Variants in OR10R2 observed in about 807,000 individuals in gnomAD.
The protein encoded by OR10R2 is olfactory receptor family 10 subfamily R member 2.
In OR10R2, 1 loss-of-function variant was observed where a neutral mutation model predicts 2.4. The observed-to-expected ratio is 0.41, with a 90% CI of 0.15 to 1.95. The LOEUF is 1.95. OR10R2 is among the 30% of genes most tolerant of loss of function. OR10R2 has a pLI of 0.30. For synonymous variants in OR10R2, 166 were observed against 144.8 expected (o/e 1.15, Z -1.05); for missense variants, 419 against 373.0 (o/e 1.12, Z -1.01).
exon 2 of OR10R2, chr1:158,480,537 C>T (rs781201339): frequency 1.2e-6 from 2 of 1,613,568 alleles, no homozygotes; most frequent in South Asian, 2.2e-5. Flanking sequence ...TTGTGATATT[C>T]ATTTGTGGAG....
intron 1 of OR10R2, among the ~76,000 whole-genome samples, chr1:158,476,223 T>G (rs752527763): frequency 1.3e-5 from 2 of 152,090 alleles, no homozygotes; most frequent in Non-Finnish European, 2.9e-5. Flanking sequence ...TTTGCTCAAA[T>G]GTACAGACAG....
intron 1 of OR10R2, among the ~76,000 whole-genome samples, 165 bp downstream of exon 1, chr1:158,472,517 G>A (rs1656184233): frequency 1.3e-5 from 2 of 152,140 alleles, no homozygotes; most frequent in South Asian, 2.1e-4. Context: ...CCCAGGATTC[G>A]TGTTTTAAAG....
At chr1:158,479,436 C>CT (rs1320379568) in intron 1 of OR10R2, among the ~76,000 whole-genome samples, 2 of 152,098 alleles carry the variant, frequency 1.3e-5, no homozygotes, top group Non-Finnish European at 2.9e-5. Context: ...ATGTCTCACA[C>CT]TTTTTTGTTA....
chr1:158,480,607 A>T, exon 2 of OR10R2: 2 of 1,613,406 alleles, frequency 1.2e-6, no homozygotes, highest in Non-Finnish European at 8.5e-7. Flanking sequence ...CATTCTGAGG[A>T]CTATCCTGAA....
exon 2 of OR10R2, chr1:158,480,321 C>T (rs1271495839): frequency 6.2e-7 from 1 of 1,614,006 alleles, no homozygotes; most frequent in Non-Finnish European, 8.5e-7. Context: ...CCATTTGTCA[C>T]CCTCTGCATT....
chr1:158,478,735 G>C (rs934252715), intron 1 of OR10R2, among the ~76,000 whole-genome samples: 3 of 152,144 alleles, frequency 2.0e-5, no homozygotes, highest in Admixed American at 1.3e-4. Flanking sequence ...GGTAAGGAAA[G>C]AAGGAAGGTG....
At chr1:158,480,194 T>A in exon 2 of OR10R2, 1 of 1,614,096 alleles carries the variant, frequency 6.2e-7, no homozygotes, top group Non-Finnish European at 8.5e-7. Flanking sequence ...ATCAATCTAC[T>A]TTCTGTGGCC....
At chr1:158,473,227 G>A (rs1426789158) in intron 1 of OR10R2, among the ~76,000 whole-genome samples, 3 of 152,178 alleles carry the variant, frequency 2.0e-5, no homozygotes, top group African/African-American at 7.2e-5. Context: ...AAACTCTGAT[G>A]CTGATGTGGT....
At chr1:158,479,452 G>T (rs1656334689) in intron 1 of OR10R2, among the ~76,000 whole-genome samples, 1 of 152,036 alleles carries the variant, frequency 6.6e-6, no homozygotes, top group African/African-American at 2.4e-5. Context: ...TGTTAAATCT[G>T]ACACTAAGCT....
At chr1:158,476,008 G>T (rs1656261096) in intron 1 of OR10R2, among the ~76,000 whole-genome samples, 1 of 151,736 alleles carries the variant, frequency 6.6e-6, no homozygotes, top group South Asian at 2.1e-4. Context: ...AAAGAATTAA[G>T]GTATAAACTT....
intron 1 of OR10R2, among the ~76,000 whole-genome samples, chr1:158,477,199 G>C (rs1029975954): frequency 6.6e-6 from 1 of 151,924 alleles, no homozygotes; most frequent in Admixed American, 6.6e-5. Context: ...AAAATAATAA[G>C]AGCCATCTGT....
intron 1 of OR10R2, among the ~76,000 whole-genome samples, chr1:158,476,313 C>T (rs919168662): frequency 6.6e-6 from 1 of 151,580 alleles, no homozygotes; most frequent in African/African-American, 2.4e-5. Context: ...TTTGGGAGTC[C>T]GAGGTGGGCA....
At chr1:158,480,315 T>G in exon 2 of OR10R2, 1 of 1,614,124 alleles carries the variant, frequency 6.2e-7, no homozygotes, top group East Asian at 2.2e-5. Context: ...ATGCTGCCAT[T>G]TGTCACCCTC....
chr1:158,473,697 T>C (rs932596610), intron 1 of OR10R2, among the ~76,000 whole-genome samples: 4 of 152,148 alleles, frequency 2.6e-5, no homozygotes, highest in African/African-American at 9.7e-5. Flanking sequence ...ACAGCCTTTT[T>C]CCTTGTCTTT....
chr1:158,472,742 G>C (rs1360304214), intron 1 of OR10R2, among the ~76,000 whole-genome samples: 1 of 152,142 alleles, frequency 6.6e-6, no homozygotes, highest in Non-Finnish European at 1.5e-5. Flanking sequence ...GTGGTAATAG[G>C]AAAAGTAGCT....
At chr1:158,474,418 T>G (rs567712023) in intron 1 of OR10R2, 2 of 152,316 alleles carry the variant, frequency 1.3e-5, no homozygotes, top group African/African-American at 4.8e-5. Context: ...ATTTCTCCCT[T>G]CAGGCTGGAT....
chr1:158,472,787 C>T (rs115873045), intron 1 of OR10R2, among the ~76,000 whole-genome samples: 5,298 of 152,086 alleles, frequency 0.035, 306 homozygotes, highest in African/African-American at 0.12. Flanking sequence ...AAGTTGAGAT[C>T]TTAAGGTCAA....
intron 1 of OR10R2, among the ~76,000 whole-genome samples, chr1:158,472,974 G>A (rs1656191980): frequency 6.6e-6 from 1 of 152,128 alleles, no homozygotes; most frequent in African/African-American, 2.4e-5. Flanking sequence ...TATTACAGAA[G>A]AGAAAACTAA....
At chr1:158,479,912 T>C (rs767266255) in intron 1 of OR10R2, 26 bp from the exon 2 acceptor site, 2 of 1,612,852 alleles carry the variant, frequency 1.2e-6, no homozygotes, top group Admixed American at 3.3e-5. Flanking sequence ...TACCTGAATA[T>C]GTTTTACTTC....
Sources: allele counts gnomAD v4.1 joint callset (sites outside exome capture counted in the v4.1 genomes callset), GRCh38; gene constraint gnomAD v4.1.1; transcripts MANE v1.5; gene names NCBI Gene and HGNC (gene_info 2026-07-23, HGNC 2026-07-21).